Variants in RGS7BP observed in about 807,000 individuals in gnomAD.
The protein encoded by RGS7BP is regulator of G protein signaling 7-binding protein.
In RGS7BP, 9 loss-of-function variants were observed where a neutral mutation model predicts 31.3. The ratio of observed to expected loss-of-function variants is 0.29; its 90% CI spans 0.17 to 0.50. RGS7BP has a LOEUF of 0.50. RGS7BP is among the 20% of genes least tolerant of loss of function. The pLI is 0.98. For synonymous variants in RGS7BP, 115 were observed against 120.1 expected, an observed-to-expected ratio of 0.96 and a Z score of 0.28; for missense variants, 274 against 322.0, an observed-to-expected ratio of 0.85 and a Z score of 1.14.
intron 2 of RGS7BP, among the ~76,000 whole-genome samples, chr5:64,566,325 A>C (rs73111074): frequency 0.023 from 3,498 of 152,218 alleles, 101 homozygotes; most frequent in African/African-American, 0.077. Flanking sequence ...AGCATAGAGT[A>C]ATTTATTGCA....
rs577607116 is a variant in RGS7BP at position 64,609,557 on chromosome 5, T to C, written c.*305T>C. The C allele has an allele frequency of 1.7e-5, 5 of 298,348 alleles. No individual in the cohort carries two copies. The highest frequency in any genetic ancestry group is 1.1e-3 in the Middle Eastern group (1 of 920). The allele number at this position is 298,348 out of a possible 1,614,324, so 18.5% of individuals were successfully genotyped here. A position where few individuals can be genotyped will look rare whatever the true frequency, so the allele number is the denominator to read the frequency against. ...CAAGAATTATGATTTTTAAATTATT[T>C]AAAGGTTTTTTAAATGTATTATACA... On this transcript the variant is annotated 3_prime_UTR_variant, in exon 6 of 6. Coordinates refer to ENST00000334025, the MANE Select transcript of RGS7BP (RefSeq NM_001029875.3).
At chr5:64,529,910 C>T (rs1749327437) in intron 2 of RGS7BP, among the ~76,000 whole-genome samples, 1 of 152,228 alleles carries the variant, frequency 6.6e-6, no homozygotes, top group Non-Finnish European at 1.5e-5. Context: ...TACTTAAGAA[C>T]CTCCACGGGC....
At chr5:64,583,303 T>G (rs1177427057) in intron 3 of RGS7BP, among the ~76,000 whole-genome samples, 2 of 152,088 alleles carry the variant, frequency 1.3e-5, no homozygotes, top group Non-Finnish European at 2.9e-5. Context: ...GCAGGAGAAT[T>G]GCTTGAGCCC....
intron 2 of RGS7BP, among the ~76,000 whole-genome samples, chr5:64,530,892 T>G: frequency 1.3e-5 from 2 of 151,632 alleles, no homozygotes; most frequent in South Asian, 2.1e-4. Context: ...AGAAAAGGGG[T>G]TGGAAAATGG....
intron 3 of RGS7BP, among the ~76,000 whole-genome samples, chr5:64,583,884 T>A (rs945833007): frequency 6.6e-6 from 1 of 152,258 alleles, no homozygotes; most frequent in African/African-American, 2.4e-5. Context: ...AGATGTTGGC[T>A]GAAGAATAGG....
intron 2 of RGS7BP, among the ~76,000 whole-genome samples, chr5:64,529,079 A>G (rs1470728973): frequency 6.6e-6 from 1 of 152,212 alleles, no homozygotes; most frequent in Non-Finnish European, 1.5e-5. Context: ...TTTAGCTTTA[A>G]CAATCTGGGA....
At chr5:64,521,025 AT>A (rs1275218915) in intron 2 of RGS7BP, among the ~76,000 whole-genome samples, 1 of 152,192 alleles carries the variant, frequency 6.6e-6, no homozygotes, top group Non-Finnish European at 1.5e-5. Context: ...TCTCCCACAA[AT>A]GGTGTTTAAA....
chr5:64,507,646 C>A (rs1748731523), intron 1 of RGS7BP, 65 bp from the exon 2 acceptor site: 2 of 1,483,332 alleles, frequency 1.3e-6, no homozygotes, highest in African/African-American at 1.4e-5. Context: ...TTTATGTACT[C>A]CGAAACAGGA....
At chr5:64,514,546 T>C (rs1257065773) in intron 2 of RGS7BP, among the ~76,000 whole-genome samples, 1 of 152,194 alleles carries the variant, frequency 6.6e-6, no homozygotes, top group African/African-American at 2.4e-5. Flanking sequence ...TTTGTGACCA[T>C]GGAATAGAAT....
intron 2 of RGS7BP, among the ~76,000 whole-genome samples, chr5:64,526,084 GGAA>G (rs766743055): frequency 4.6e-5 from 7 of 152,186 alleles, no homozygotes; most frequent in Non-Finnish European, 1.0e-4. Flanking sequence ...TATTGACAAG[GGAA>G]GAAGGCTTTA....
At chr5:64,583,850 C>G (rs938307765) in intron 3 of RGS7BP, among the ~76,000 whole-genome samples, 5 of 152,230 alleles carry the variant, frequency 3.3e-5, no homozygotes, top group African/African-American at 1.2e-4. Context: ...GAGTAGGACA[C>G]TATTTGTCAC....
intron 2 of RGS7BP, among the ~76,000 whole-genome samples, chr5:64,568,074 TATAA>T (rs750437802): frequency 2.3e-4 from 35 of 151,776 alleles, no homozygotes; most frequent in Non-Finnish European, 3.1e-4. Flanking sequence ...AATATATAGA[TATAA>T]ATAGTTTTAA....
intron 2 of RGS7BP, among the ~76,000 whole-genome samples, chr5:64,554,432 C>T (rs1024217256): frequency 6.6e-6 from 1 of 152,118 alleles, no homozygotes; most frequent in Admixed American, 6.6e-5. Context: ...CTCTTCAAAT[C>T]ATCCATTTGT....
At chr5:64,545,191 A>G (rs940593288) in intron 2 of RGS7BP, among the ~76,000 whole-genome samples, 2 of 151,240 alleles carry the variant, frequency 1.3e-5, no homozygotes, top group Non-Finnish European at 2.9e-5. Flanking sequence ...AAAAAAAAAA[A>G]CTCATAGGTA....
intron 2 of RGS7BP, among the ~76,000 whole-genome samples, chr5:64,519,962 T>C (rs1749067740): frequency 6.6e-6 from 1 of 152,198 alleles, no homozygotes; most frequent in African/African-American, 2.4e-5. Flanking sequence ...CATGATTCTT[T>C]TGCCTTTTCC....
intron 2 of RGS7BP, among the ~76,000 whole-genome samples, chr5:64,524,748 C>T (rs1561322384): frequency 1.3e-5 from 2 of 152,140 alleles, no homozygotes; most frequent in South Asian, 4.1e-4. Flanking sequence ...CAACCACAGG[C>T]ATCGCACGGC....
chr5:64,574,168 C>A (rs1319790766), intron 2 of RGS7BP, among the ~76,000 whole-genome samples: 1 of 152,022 alleles, frequency 6.6e-6, no homozygotes, highest in African/African-American at 2.4e-5. Flanking sequence ...ATTACATGAA[C>A]CATTAATGCC....
At chr5:64,530,218 C>T (rs1423599184) in intron 2 of RGS7BP, among the ~76,000 whole-genome samples, 1 of 152,150 alleles carries the variant, frequency 6.6e-6, no homozygotes, top group African/African-American at 2.4e-5. Context: ...AACTGTATTG[C>T]TCACATTGGA....
chr5:64,539,884 G>A (rs527723021), intron 2 of RGS7BP: 2 of 152,136 alleles, frequency 1.3e-5, no homozygotes, highest in African/African-American at 4.8e-5. Context: ...ATGATATGTA[G>A]GTTAAGTTCA....
Sources: allele counts gnomAD v4.1 joint callset (sites outside exome capture counted in the v4.1 genomes callset), GRCh38; gene constraint gnomAD v4.1.1; transcripts MANE v1.5; gene names NCBI Gene and HGNC (gene_info 2026-07-23, HGNC 2026-07-21).